Variants in CACNB4 observed in about 807,000 individuals in gnomAD.
The protein encoded by CACNB4 is voltage-dependent L-type calcium channel subunit beta-4.
In CACNB4, 32 loss-of-function variants were observed where a neutral mutation model predicts 71.2. That is an observed-to-expected ratio of 0.45 (90% CI 0.34 to 0.60). CACNB4 has a LOEUF of 0.60. Among genes scored for constraint, CACNB4 ranks in the 20% least tolerant of loss-of-function variants. The probability of loss-of-function intolerance (pLI) is 0.01; values close to 1 mark genes in which losing one functional copy is unlikely to be tolerated. For missense variants in CACNB4, 464 were observed against 647.9 expected, an observed-to-expected ratio of 0.72 and a Z score of 3.08; for synonymous variants, 231 against 236.9, an observed-to-expected ratio of 0.97 and a Z score of 0.23.
rs538595402 is a variant in CACNB4 at position 152,073,852 on chromosome 2, G to A, written c.147+24478C>T. Among the ~76,000 whole-genome samples the A allele has an allele frequency of 3.2e-4, 49 of 152,204 alleles. 1 individual carries two copies. The highest frequency in any genetic ancestry group is 3.4e-3 in the Middle Eastern group (1 of 294). Reference sequence around the variant, plus strand: ...CGCTCTTATTTGACAACAATGCAACGGCCTCATCTAATGAGGAAATGTCCC... The same window carrying A: ...CGCTCTTATTTGACAACAATGCAACAGCCTCATCTAATGAGGAAATGTCCC... On this transcript the variant is annotated intron_variant, in intron 2 of 13. Transcript: ENST00000539935.
intron 2 of CACNB4, among the ~76,000 whole-genome samples, chr2:152,023,099 G>A (rs1297601385): frequency 6.6e-6 from 1 of 151,742 alleles, no homozygotes; most frequent in Non-Finnish European, 1.5e-5. Flanking sequence ...ACAGGTGCAG[G>A]GGGTCCATGA....
intron 4 of CACNB4, among the ~76,000 whole-genome samples, chr2:151,878,551 A>ACACACACACACACG (rs2099847035): frequency 4.1e-4 from 1 of 2,424 alleles, no homozygotes; most frequent in Non-Finnish European, 3.1e-3. Flanking sequence ...GACCCTGTCT[A>ACACACACACACACG]CACACACACA....
At chr2:152,089,700 G>A (rs1344843379) in intron 2 of CACNB4, among the ~76,000 whole-genome samples, 3 of 152,076 alleles carry the variant, frequency 2.0e-5, no homozygotes, top group Non-Finnish European at 4.4e-5. Flanking sequence ...GGGAGGCTGA[G>A]GTGAAAGGAC....
chr2:152,003,763 G>A (rs1006230512), intron 2 of CACNB4, among the ~76,000 whole-genome samples: 2 of 151,864 alleles, frequency 1.3e-5, no homozygotes, highest in Non-Finnish European at 2.9e-5. Flanking sequence ...TTACAGTAAA[G>A]AAGGAAGATT....
At chr2:152,048,246 CAA>C (rs1474499160) in intron 2 of CACNB4, among the ~76,000 whole-genome samples, 2 of 152,250 alleles carry the variant, frequency 1.3e-5, no homozygotes, top group African/African-American at 4.8e-5. Context: ...TAGACATTAC[CAA>C]AAGTTCCCTG....
intron 2 of CACNB4, among the ~76,000 whole-genome samples, chr2:152,096,760 T>C (rs1307394111): frequency 6.6e-6 from 1 of 152,218 alleles, no homozygotes; most frequent in Non-Finnish European, 1.5e-5. Context: ...GTTACGGGCA[T>C]AAATTGAGAA....
intron 2 of CACNB4, among the ~76,000 whole-genome samples, chr2:152,009,188 CAAA>C (rs756023829): frequency 1.1e-4 from 9 of 80,044 alleles, no homozygotes; most frequent in Admixed American, 2.9e-4. Flanking sequence ...GACCCTGTCT[CAAA>C]AAAAAAAAAA....
rs1473283638 is a variant in CACNB4, at chr2:152,097,836, G to C, written c.147+494C>G. 2.0e-5 allele frequency among the ~76,000 whole-genome samples: 3 copies of C among 152,314 alleles called. No homozygotes were observed. The East Asian group carries it at 5.8e-4, about 29-fold the overall frequency. On this transcript the variant is annotated intron_variant, in intron 2 of 13. Coordinates refer to ENST00000539935, the MANE Select transcript of CACNB4 (RefSeq NM_000726.5). ...AAAGTGAGAGTAAACTTTCTGCTCA[G>C]TGTCTTTCTTTTGACCGGAGCTTGA...
chr2:152,087,715 CA>C (rs767552487), intron 2 of CACNB4, among the ~76,000 whole-genome samples: 3 of 151,796 alleles, frequency 2.0e-5, no homozygotes. Flanking sequence ...CCATCTCTAC[CA>C]AAAAATAAGA....
At chr2:151,855,489 T>A (rs894740394) in intron 10 of CACNB4, 114 bp from the exon 11 acceptor site, 4 of 768,712 alleles carry the variant, frequency 5.2e-6, no homozygotes, top group African/African-American at 1.7e-5. Context: ...TAAAACATTT[T>A]AAATTTTCAT....
chr2:152,084,290 G>A (rs773716331), intron 2 of CACNB4, among the ~76,000 whole-genome samples: 8 of 152,186 alleles, frequency 5.3e-5, no homozygotes, highest in Non-Finnish European at 1.0e-4. Flanking sequence ...CCAGAGTTGC[G>A]AAAGTCTGGA....
chr2:151,863,717 C>A (rs922382870), intron 9 of CACNB4, among the ~76,000 whole-genome samples: 3 of 151,910 alleles, frequency 2.0e-5, no homozygotes, highest in Non-Finnish European at 4.4e-5. Flanking sequence ...TCAAACACGA[C>A]CAAAGTTTGA....
chr2:151,850,780 C>T lies in CACNB4; in HGVS notation c.1116+2668G>A, dbSNP rs555059968. 17 of 152,304 alleles carry T rather than the reference C, an allele frequency of 1.1e-4. No homozygotes were observed. In the South Asian group the frequency reaches 1.7e-3, roughly 15 times the overall value. The allele number at this position is 152,304 out of a possible 1,614,324, so 9.4% of individuals were successfully genotyped here. ...TTCTGTAGTAAAGAAACCAGACTAC[C>T]TTTGTTCACCTAAGTGTTTTCTCAA... On this transcript the variant is annotated intron_variant, in intron 12 of 13. Transcript: ENST00000539935.
At chr2:151,865,188 A>C (rs1308491768) in intron 9 of CACNB4, among the ~76,000 whole-genome samples, 1 of 152,162 alleles carries the variant, frequency 6.6e-6, no homozygotes, top group African/African-American at 2.4e-5. Flanking sequence ...AATTATCTTC[A>C]TTCTTATATG....
chr2:152,021,684 G>C (rs1306381119), intron 2 of CACNB4, among the ~76,000 whole-genome samples: 1 of 151,994 alleles, frequency 6.6e-6, no homozygotes, highest in Non-Finnish European at 1.5e-5. Context: ...CTTTATCAAG[G>C]ATAAAAATAC....
At chr2:151,883,546 C>T (rs2099848523) in intron 2 of CACNB4, 176 bp from the exon 3 acceptor site, 2 of 638,014 alleles carry the variant, frequency 3.1e-6, no homozygotes, top group Admixed American at 2.4e-5. Context: ...CTGAGTTATT[C>T]GGAAAGTAGC....
At chr2:152,027,624 C>T (rs558587598) in intron 2 of CACNB4, among the ~76,000 whole-genome samples, 5 of 152,120 alleles carry the variant, frequency 3.3e-5, no homozygotes, top group East Asian at 1.9e-4. Context: ...AAAGCCGAGG[C>T]GGGCGGATCA....
At chr2:151,882,992 T>C (rs2680972) in intron 3 of CACNB4, 446,569 of 447,232 alleles carry the variant, frequency 1, 222,959 homozygotes, top group East Asian at 1. Context: ...GCATGGGAGG[T>C]TTGATATTGC....
chr2:151,950,073 A>G (rs971464805), intron 2 of CACNB4, among the ~76,000 whole-genome samples: 1 of 151,980 alleles, frequency 6.6e-6, no homozygotes, highest in African/African-American at 2.4e-5. Flanking sequence ...AAATAAAAAT[A>G]GAAAATAGTC....
Sources: allele counts gnomAD v4.1 joint callset (sites outside exome capture counted in the v4.1 genomes callset), GRCh38; gene constraint gnomAD v4.1.1; transcripts MANE v1.5; gene names NCBI Gene and HGNC (gene_info 2026-07-23, HGNC 2026-07-21).